U2AF2: variants seen among roughly 807,000 people sequenced by gnomAD.
U2AF2 encodes splicing factor U2AF 65 kDa subunit.
U2AF2 carries 6 observed loss-of-function variants against 52.6 expected under a neutral mutation model. The observed-to-expected ratio is 0.11, with a 90% CI of 0.06 to 0.23. The LOEUF (loss-of-function observed/expected upper bound fraction) is 0.23, where lower values mean the gene tolerates loss of function less well. Ranked by LOEUF, U2AF2 falls within the 10% of genes least tolerant of loss-of-function variation. The pLI is 1.00. For synonymous variants in U2AF2, 284 were observed against 258.2 expected, an observed-to-expected ratio of 1.10 and a Z score of -0.96; for missense variants, 222 against 677.1, an observed-to-expected ratio of 0.33 and a Z score of 7.46.
chr19:55,660,439 C>T, intron 3 of U2AF2, 77 bp from the exon 4 acceptor site: 12 of 1,195,718 alleles, frequency 1.0e-5, no homozygotes, highest in South Asian at 1.4e-5. Context: ...GAAAGGGTGC[C>T]TGGGAGGGGG....
At chr19:55,665,000 G>A (rs1022895684) in intron 7 of U2AF2, among the ~76,000 whole-genome samples, 2 of 152,176 alleles carry the variant, frequency 1.3e-5, no homozygotes, top group Non-Finnish European at 2.9e-5. Flanking sequence ...TTACAGGCAT[G>A]AGCCACTGCG....
At chr19:55,659,178 T>TA in intron 1 of U2AF2, 32 bp from the exon 2 acceptor site, 1 of 1,513,728 alleles carries the variant, frequency 6.6e-7, no homozygotes, top group Non-Finnish European at 8.9e-7. Flanking sequence ...TTACTCCGCT[T>TA]ATCCCGTGCC....
At chr19:55,662,153 G>T (rs761721578) in intron 5 of U2AF2, 1 of 194,354 alleles carries the variant, frequency 5.1e-6, no homozygotes, top group Non-Finnish European at 1.1e-5. Flanking sequence ...CTTGTGTTTC[G>T]TGTTTTTCTT....
At position 55,662,271 on chromosome 19, in the gene U2AF2, C is replaced by A. The variant is rs1490978604; in HGVS notation, c.487-231C>A. 4 of 450,434 alleles carry A rather than the reference C, an allele frequency of 8.9e-6. No individual in the cohort carries two copies. In the East Asian group the frequency reaches 1.1e-4, roughly 12 times the overall value. 27.9% of individuals were successfully genotyped at this position (450,434 alleles called of 1,614,324 possible). ...TCCCCCAACGCCTGTCCATCGCCTG[C>A]CCTTGGCCGTCTCTTGCTACTGCTT... On this transcript the variant is annotated intron_variant, in intron 5 of 11. Coordinates refer to ENST00000308924, the MANE Select transcript of U2AF2 (RefSeq NM_007279.3).
At chr19:55,667,710 C>A (rs1056851785) in intron 7 of U2AF2, among the ~76,000 whole-genome samples, 5 of 152,158 alleles carry the variant, frequency 3.3e-5, no homozygotes, top group Non-Finnish European at 5.9e-5. Context: ...CGTGTCGTGC[C>A]ACCCCTGTGA....
intron 2 of U2AF2, among the ~76,000 whole-genome samples, chr19:55,659,645 TTCTCTG>T (rs1000053761): frequency 1.4e-4 from 21 of 151,974 alleles, no homozygotes; most frequent in African/African-American, 4.8e-4. Flanking sequence ...CAAGGGGTTG[TTCTCTG>T]TCTCTGACTC....
rs750671985 is a variant in U2AF2, at chr19:55,674,017, T to G, written c.1377T>G (p.Val459=). The G allele has an allele frequency of 1.9e-6, 3 of 1,613,704 alleles. No homozygotes were observed. Among genetic ancestry groups the G allele is most frequent in the East Asian group, 2.2e-5 (1 of 44,864 alleles). ...GCCGCAAGTTCGCCAACAGAGTGGT[T>G]GTCACAAAATACTGTGACCCCGACT... ...LTGRKFANRV[V]VTKYCDPDSY... is the part of the protein sequence containing the mutation. The change falls in exon 12 of 12, where the codon GTT becomes GTG. Residue 459 remains valine, a synonymous_variant. Coordinates refer to ENST00000308924, the MANE Select transcript of U2AF2 (RefSeq NM_007279.3).
At chr19:55,655,695 C>G (rs1568546675) in intron 1 of U2AF2, among the ~76,000 whole-genome samples, 1 of 152,212 alleles carries the variant, frequency 6.6e-6, no homozygotes, top group Non-Finnish European at 1.5e-5. Flanking sequence ...AGGCCACGGG[C>G]CCCTCGCGTA....
intron 5 of U2AF2, chr19:55,661,819 C>T (rs1384033630): frequency 6.6e-6 from 1 of 152,264 alleles, no homozygotes; most frequent in African/African-American, 2.4e-5. Context: ...AAGTTTGCTA[C>T]CATCGTCGAA....
In U2AF2 at chr19:55,663,710, T is replaced by A. The variant is rs1353532251; in HGVS notation, c.708T>A (p.Pro236=). The change falls in exon 7 of 12, where the codon CCT becomes CCA. Residue 236 remains proline, a synonymous_variant. Transcript: ENST00000308924. The stretch of plus-strand genomic sequence containing the variant: ...GGCCTCACGACTACCAGCCGCTTCC[T>A]GGCATGTCAGAGAACCCCTCCGTCT... ...IRRPHDYQPL[P]GMSENPSVYV... The A allele has an allele frequency of 1.2e-6, 2 of 1,614,068 alleles. No homozygotes were observed. The highest frequency in any genetic ancestry group is 1.7e-6 in the Non-Finnish European group (2 of 1,180,036).
At chr19:55,663,432 C>T (rs746420690) in intron 6 of U2AF2, among the ~76,000 whole-genome samples, 174 bp from the exon 7 acceptor site, 3 of 152,208 alleles carry the variant, frequency 2.0e-5, no homozygotes, top group African/African-American at 2.4e-5. Context: ...CGAGTGTGAG[C>T]TCCTGGCAGC....
chr19:55,659,285 G>A lies in U2AF2; in HGVS notation c.125G>A (p.Arg42Gln), dbSNP rs1485043176. Residue 42 changes from arginine to glutamine, a missense_variant, in exon 2 of 12, where the codon CGG becomes CAG. Physicochemically the swap from Arg to Gln is conservative, Grantham distance 43. This residue lies in a region of U2AF2 where 100 missense variants were observed against 144.1 expected (regional missense o/e 0.69). Coordinates refer to ENST00000308924, the MANE Select transcript of U2AF2 (RefSeq NM_007279.3). ...AGCCGGGACCGCAAACGCCGGAGCC[G>A]GAGCCGCGACCGGCGCAACCGGGAC... ...SRSRDRKRRS[R>Q]SRDRRNRDQR... The A allele has an allele frequency of 3.7e-6, 6 of 1,600,752 alleles. No individual in the cohort carries two copies. The highest frequency in any genetic ancestry group is 1.3e-5 in the African/African-American group (1 of 74,378).
chr19:55,665,243 G>A (rs564822204), intron 7 of U2AF2, among the ~76,000 whole-genome samples: 1 of 152,200 alleles, frequency 6.6e-6, no homozygotes, highest in Non-Finnish European at 1.5e-5. Flanking sequence ...GTGTGTGTCA[G>A]GCGCTGTCCT....
chr19:55,671,106 A>G (rs600106), intron 11 of U2AF2, among the ~76,000 whole-genome samples: 149,714 of 152,244 alleles, frequency 0.98, 73,623 homozygotes, highest in African/African-American at 1. Flanking sequence ...AGAAAACAGG[A>G]CTGTGGTGGT....
chr19:55,666,087 G>A (rs755798224), intron 7 of U2AF2, among the ~76,000 whole-genome samples: 4 of 152,220 alleles, frequency 2.6e-5, no homozygotes, highest in Non-Finnish European at 5.9e-5. Context: ...TTACCAGGCT[G>A]AGGAGCTTGA....
chr19:55,672,517 A>G (rs752744710), intron 11 of U2AF2, among the ~76,000 whole-genome samples: 5 of 152,128 alleles, frequency 3.3e-5, no homozygotes, highest in Admixed American at 1.3e-4. Flanking sequence ...ACCGGATGCA[A>G]GAGCACTACT....
At chr19:55,667,096 G>T (rs183898724) in intron 7 of U2AF2, among the ~76,000 whole-genome samples, 2 of 152,294 alleles carry the variant, frequency 1.3e-5, no homozygotes, top group Admixed American at 1.3e-4. Flanking sequence ...CCTGGGGTCT[G>T]TGTGGCCCCA....
rs1555786549 is a variant in U2AF2 at position 55,674,123 on chromosome 19, G to A, written c.*55G>A. On this transcript the variant is annotated 3_prime_UTR_variant, in exon 12 of 12. Coordinates refer to ENST00000308924, the MANE Select transcript of U2AF2 (RefSeq NM_007279.3). ...TGGCTGGGGGCTTCTCCCCACTCCC[G>A]CCCCCCCCTTATCCCCCTCTGAAGA... 9 of 1,438,300 alleles carry A rather than the reference G, an allele frequency of 6.3e-6. No homozygotes were observed. The highest frequency in any genetic ancestry group is 1.3e-5 in the South Asian group (1 of 78,038). 89.1% of individuals were successfully genotyped at this position (1,438,300 alleles called of 1,614,324 possible). A position where few individuals can be genotyped will look rare whatever the true frequency, so the allele number is the denominator to read the frequency against.
At position 55,663,749 on chromosome 19, in the gene U2AF2, G is replaced by GT. The variant is rs1232925895; in HGVS notation, c.742+6dup. On this transcript the variant is annotated splice_donor_region_variant and intron_variant, in intron 7 of 11. Transcript: ENST00000308924. Reference sequence around the variant, plus strand: ...ACCCCTCCGTCTATGTGCCTGGTGAGTGGGGGATCCATTAAGGGCCCCTTT... The same window carrying GT: ...ACCCCTCCGTCTATGTGCCTGGTGAGTTGGGGGATCCATTAAGGGCCCCTTT... The GT allele has an allele frequency of 6.2e-7, 1 of 1,614,062 alleles. No homozygotes were observed. Among genetic ancestry groups the GT allele is most frequent in the South Asian group, 1.1e-5 (1 of 91,078 alleles).
Sources: allele counts gnomAD v4.1 joint callset (sites outside exome capture counted in the v4.1 genomes callset), GRCh38; gene constraint gnomAD v4.1.1; regional missense constraint gnomAD v4.1.1; transcripts MANE v1.5; gene names NCBI Gene and HGNC (gene_info 2026-07-23, HGNC 2026-07-21).